Variants in RAP1GDS1 observed in about 807,000 individuals in gnomAD.
RAP1GDS1 encodes RAP1, GTP-GDP dissociation stimulator 1.
RAP1GDS1 carries 35 observed loss-of-function variants against 71.1 expected under a neutral mutation model. The observed-to-expected ratio is 0.49, with a 90% CI of 0.38 to 0.65. The LOEUF (loss-of-function observed/expected upper bound fraction) is 0.65. RAP1GDS1 is among the 30% of genes least tolerant of loss of function. The pLI is 0.00. For missense variants in RAP1GDS1, 663 were observed against 706.1 expected (o/e 0.94, Z 0.69); for synonymous variants, 229 against 243.1 (o/e 0.94, Z 0.54).
intron 5 of RAP1GDS1, among the ~76,000 whole-genome samples, chr4:98,381,698 A>G (rs1225502245): frequency 6.6e-6 from 1 of 151,658 alleles, no homozygotes; most frequent in Non-Finnish European, 1.5e-5. Flanking sequence ...ATTTATAAGT[A>G]AAATATTGAG....
At chr4:98,284,222 G>T (rs1725640957) in intron 1 of RAP1GDS1, among the ~76,000 whole-genome samples, 1 of 152,094 alleles carries the variant, frequency 6.6e-6, no homozygotes, top group Non-Finnish European at 1.5e-5. Context: ...AATGTTATCT[G>T]TAGGGTTTTT....
intron 12 of RAP1GDS1, 114 bp from the exon 13 acceptor site, chr4:98,433,822 T>A (rs1278334397): frequency 1.1e-6 from 1 of 907,626 alleles, no homozygotes; most frequent in East Asian, 2.8e-5. Flanking sequence ...TTAAATCAAA[T>A]GATTCATACA....
In RAP1GDS1 at chr4:98,385,328, A is replaced by G. The variant is rs1260506480; in HGVS notation, c.508+6165A>G. On this transcript the variant is annotated intron_variant, in intron 5 of 14. Transcript: ENST00000408927. Reference sequence around the variant, plus strand: ...AGGTCTTTACTGTAAGTGTTCCTATACTAGTTGAAATATGATGATATGAGG... The same window carrying G: ...AGGTCTTTACTGTAAGTGTTCCTATGCTAGTTGAAATATGATGATATGAGG... 3.3e-5 allele frequency among the ~76,000 whole-genome samples: 5 copies of G among 151,898 alleles called. No individual in the cohort carries two copies. In the East Asian group the frequency reaches 7.7e-4, roughly 23 times the overall value.
intron 7 of RAP1GDS1, among the ~76,000 whole-genome samples, chr4:98,415,340 C>G (rs942284409): frequency 6.6e-6 from 1 of 152,210 alleles, no homozygotes; most frequent in Non-Finnish European, 1.5e-5. Flanking sequence ...GTTCTACAAT[C>G]AGTTTGTACA....
intron 1 of RAP1GDS1, among the ~76,000 whole-genome samples, chr4:98,274,077 A>AGT (rs997179166): frequency 1.3e-5 from 2 of 152,202 alleles, no homozygotes; most frequent in Non-Finnish European, 2.9e-5. Flanking sequence ...TAATTGGAAC[A>AGT]GTGTTGTCAA....
chr4:98,409,749 G>T (rs150896909), intron 7 of RAP1GDS1: 5,418 of 474,540 alleles, frequency 0.011, 45 homozygotes, highest in Non-Finnish European at 0.015. Context: ...TCTTCCCTAT[G>T]AATTCATGGC....
intron 3 of RAP1GDS1, among the ~76,000 whole-genome samples, chr4:98,351,909 A>G (rs1737261955): frequency 6.6e-6 from 1 of 151,962 alleles, no homozygotes; most frequent in South Asian, 2.1e-4. Context: ...ACAGGAGTGA[A>G]GATAAGAAGA....
chr4:98,423,903 T>C (rs1421160193), intron 12 of RAP1GDS1, among the ~76,000 whole-genome samples: 2 of 152,178 alleles, frequency 1.3e-5, no homozygotes, highest in Non-Finnish European at 2.9e-5. Flanking sequence ...AGGACAGTTA[T>C]TGCAAAAATA....
rs777934776 is a variant in RAP1GDS1, at chr4:98,400,362, A to G, written c.638-4115A>G. ...GATGTATATGTATATACACACACAC[A>G]CACAATGGAATACTATTCAGCCACC... is the stretch of plus-strand genomic sequence containing the variant. On this transcript the variant is annotated intron_variant, in intron 6 of 14. Transcript: ENST00000408927. Among the ~76,000 whole-genome samples the G allele has an allele frequency of 5.0e-4, 76 of 152,120 alleles. 1 individual carries two copies. Among genetic ancestry groups the G allele is most frequent in the Non-Finnish European group, 2.8e-4 (19 of 68,020 alleles).
At chr4:98,349,320 G>C (rs1009565618) in intron 3 of RAP1GDS1, among the ~76,000 whole-genome samples, 3 of 152,120 alleles carry the variant, frequency 2.0e-5, no homozygotes, top group Non-Finnish European at 2.9e-5. Context: ...TGTTCCATTG[G>C]TCTAGCTCTC....
intron 2 of RAP1GDS1, among the ~76,000 whole-genome samples, chr4:98,339,595 A>C (rs1315229793): frequency 6.6e-6 from 1 of 151,620 alleles, no homozygotes; most frequent in Non-Finnish European, 1.5e-5. Flanking sequence ...GTAGCCATTC[A>C]TTTGGACATG....
At chr4:98,278,343 C>T (rs1238466095) in intron 1 of RAP1GDS1, among the ~76,000 whole-genome samples, 1 of 152,088 alleles carries the variant, frequency 6.6e-6, no homozygotes, top group Non-Finnish European at 1.5e-5. Flanking sequence ...CATTAAAACT[C>T]CTGTTTATCT....
chr4:98,294,930 G>T (rs981224792), intron 2 of RAP1GDS1, among the ~76,000 whole-genome samples: 3 of 151,864 alleles, frequency 2.0e-5, no homozygotes, highest in Non-Finnish European at 4.4e-5. Context: ...TATAACCTTC[G>T]TCTGTTTTCA....
chr4:98,436,088 A>G (rs967558511), intron 13 of RAP1GDS1, among the ~76,000 whole-genome samples: 2 of 148,688 alleles, frequency 1.3e-5, no homozygotes, highest in Non-Finnish European at 2.9e-5. Context: ...AAATATATAT[A>G]TATATATATA....
intron 6 of RAP1GDS1, chr4:98,397,025 TTTA>T (rs1444183475): frequency 2.0e-5 from 3 of 152,214 alleles, no homozygotes; most frequent in Admixed American, 1.3e-4. Context: ...ACAGCTCTGC[TTTA>T]TTAAGTTTCA....
chr4:98,401,648 T>C (rs1012041815), intron 6 of RAP1GDS1, among the ~76,000 whole-genome samples: 1 of 152,212 alleles, frequency 6.6e-6, no homozygotes, highest in Non-Finnish European at 1.5e-5. Context: ...AAATGAGGCT[T>C]CTTGCCAAAG....
intron 1 of RAP1GDS1, among the ~76,000 whole-genome samples, chr4:98,285,908 T>TATTATAAAC (rs1257921087): frequency 3.2e-3 from 469 of 146,988 alleles, no homozygotes; most frequent in African/African-American, 0.011. Context: ...ACATTATAAA[T>TATTATAAAC]TATTTATAAT....
chr4:98,343,229 T>A lies in RAP1GDS1; in HGVS notation c.203T>A (p.Val68Glu). 1 of 1,605,710 alleles carries A rather than the reference T, an allele frequency of 6.2e-7. No individual in the cohort carries two copies. Among genetic ancestry groups the A allele is most frequent in the Non-Finnish European group, 8.5e-7 (1 of 1,172,440 alleles). Residue 68 changes from valine (V) to glutamate (E), a missense_variant, in exon 3 of 15, where the codon GTA (valine) becomes GAA (glutamate). Val to Glu is a moderately radical substitution (Grantham distance 121). Transcript: ENST00000408927. ...LTPQSSCKAKVANIIAEVAKN... is the reference protein window; with the variant it reads ...LTPQSSCKAKEANIIAEVAKN... ...CCACAGTCTTCCTGCAAAGCCAAAG[T>A]AGCTAACATCATAGCAGAAGTAGCC...
At chr4:98,309,520 AT>A (rs200320352) in intron 2 of RAP1GDS1, among the ~76,000 whole-genome samples, 10,007 of 152,120 alleles carry the variant, frequency 0.066, 365 homozygotes, top group Admixed American at 0.13. Flanking sequence ...TAATGGAAAT[AT>A]TAAATACAAA....
Sources: gnomAD v4.1 joint callset for allele counts (sites outside exome capture counted in the v4.1 genomes callset) on GRCh38, gnomAD v4.1.1 for gene constraint, MANE v1.5 for transcripts, NCBI Gene and HGNC (gene_info 2026-07-23, HGNC 2026-07-21) for gene names.